Variants in TBC1D1 observed in about 807,000 individuals in gnomAD.
TBC1D1 encodes the protein TBC1 domain family member 1.
Under a neutral mutation model 125.6 loss-of-function variants are expected in TBC1D1, and 89 were observed. The observed-to-expected ratio is 0.71, with a 90% CI of 0.60 to 0.85. TBC1D1 has a LOEUF of 0.85. TBC1D1 is among the 40% of genes least tolerant of loss of function. The probability of loss-of-function intolerance (pLI) is 0.00; values close to 1 mark genes in which losing one functional copy is unlikely to be tolerated. For synonymous variants in TBC1D1, 565 were observed against 564.1 expected, an observed-to-expected ratio of 1.00 and a Z score of -0.02; for missense variants, 1,377 against 1,469.2, an observed-to-expected ratio of 0.94 and a Z score of 1.03.
At chr4:38,026,856 T>A (rs1392533442) in intron 6 of TBC1D1, among the ~76,000 whole-genome samples, 1 of 152,210 alleles carries the variant, frequency 6.6e-6, no homozygotes, top group African/African-American at 2.4e-5. Context: ...CTTTGTAACA[T>A]TAATTAAATG....
At chr4:38,036,642 C>G (rs1423243021) in intron 8 of TBC1D1, among the ~76,000 whole-genome samples, 2 of 152,210 alleles carry the variant, frequency 1.3e-5, no homozygotes, top group Non-Finnish European at 2.9e-5. Flanking sequence ...GGGGTGTACA[C>G]TTAGCAAATC....
At chr4:38,103,216 G>A in intron 15 of TBC1D1, 59 bp downstream of exon 17, 1 of 1,545,370 alleles carries the variant, frequency 6.5e-7, no homozygotes, top group Non-Finnish European at 8.7e-7. Flanking sequence ...TGAAAAATCT[G>A]AAGAGACTGT....
intron 2 of TBC1D1, among the ~76,000 whole-genome samples, chr4:37,965,928 G>A (rs948404570): frequency 2.6e-5 from 4 of 151,986 alleles, no homozygotes; most frequent in Non-Finnish European, 4.4e-5. Context: ...TGTATTTTTA[G>A]TAGAGATGGG....
chr4:37,901,913 G>A (rs1353899986), intron 1 of TBC1D1, 90 bp from the exon 2 acceptor site: 11 of 573,730 alleles, frequency 1.9e-5, no homozygotes, highest in Admixed American at 1.1e-4. Context: ...TGGGTTTCAG[G>A]CTTTTGAGTT....
At chr4:37,897,004 C>G (rs1041111135) in intron 1 of TBC1D1, among the ~76,000 whole-genome samples, 1 of 151,840 alleles carries the variant, frequency 6.6e-6, no homozygotes, top group African/African-American at 2.4e-5. Flanking sequence ...AGGGATAGGG[C>G]GTGTACACAG....
intron 15 of TBC1D1, among the ~76,000 whole-genome samples, chr4:38,108,653 C>CACGG (rs1761736226): frequency 6.6e-6 from 1 of 152,182 alleles, no homozygotes; most frequent in Non-Finnish European, 1.5e-5. Flanking sequence ...ACGTGTGGGT[C>CACGG]ACGGGTCCAG....
intron 2 of TBC1D1, among the ~76,000 whole-genome samples, chr4:37,907,658 T>C (rs1717622143): frequency 6.6e-6 from 1 of 152,162 alleles, no homozygotes; most frequent in South Asian, 2.1e-4. Flanking sequence ...TAAGTAAACA[T>C]GGTAAGTAAA....
chr4:37,901,941 C>T (rs1325298845), intron 1 of TBC1D1, 62 bp from the exon 2 acceptor site: 1 of 698,436 alleles, frequency 1.4e-6, no homozygotes, highest in African/African-American at 1.8e-5. Flanking sequence ...AATAATAGCC[C>T]TTTGAAGGTA....
intron 14 of TBC1D1, among the ~76,000 whole-genome samples, chr4:38,102,127 A>T (rs1393476794): frequency 1.3e-5 from 2 of 151,030 alleles, no homozygotes; most frequent in Admixed American, 6.6e-5. Flanking sequence ...TAGCATTAGG[A>T]GATATACCTA....
At chr4:37,907,808 GTTC>G (rs1476998155) in intron 2 of TBC1D1, among the ~76,000 whole-genome samples, 4 of 152,096 alleles carry the variant, frequency 2.6e-5, no homozygotes, top group African/African-American at 9.7e-5. Context: ...TCATCTCAGG[GTTC>G]TTCTTCTCTC....
intron 2 of TBC1D1, among the ~76,000 whole-genome samples, chr4:37,974,215 G>T (rs1732594315): frequency 6.6e-6 from 1 of 152,128 alleles, no homozygotes; most frequent in South Asian, 2.1e-4. Context: ...CTTTTCAAGG[G>T]TGGCCTCTGT....
intron 2 of TBC1D1, among the ~76,000 whole-genome samples, chr4:37,983,476 A>C (rs1479383020): frequency 6.6e-6 from 1 of 152,106 alleles, no homozygotes; most frequent in Admixed American, 6.6e-5. Flanking sequence ...CGGTCACCAC[A>C]CTGTGCCCAG....
chr4:38,096,077 G>A lies in TBC1D1; in HGVS notation c.2385G>A (p.Ser795=), dbSNP rs767176093. 12 of 1,612,270 alleles carry A rather than the reference G, an allele frequency of 7.4e-6. No homozygotes were observed. Among genetic ancestry groups the A allele is most frequent in the African/African-American group, 2.7e-5 (2 of 74,848 alleles). Residue 795 remains serine (S), a synonymous_variant, in exon 14 of 20, where the codon TCG becomes TCA. Coordinates refer to ENST00000261439, the MANE Select transcript of TBC1D1 (RefSeq NM_015173.4). ...AGTTTGACATGGAAAAAATGCACTC[G>A]GCTGTTGGGCAAGGTAAGCTTCATT...
chr4:37,925,863 G>T (rs1722003330), intron 2 of TBC1D1, among the ~76,000 whole-genome samples: 1 of 151,922 alleles, frequency 6.6e-6, no homozygotes, highest in South Asian at 2.1e-4. Flanking sequence ...AATTAGAAAA[G>T]ATCAAAGTAG....
intron 2 of TBC1D1, among the ~76,000 whole-genome samples, chr4:37,932,174 C>T (rs1723398722): frequency 6.6e-6 from 1 of 152,178 alleles, no homozygotes; most frequent in Admixed American, 6.5e-5. Context: ...AAGGATGTGT[C>T]CACACTGAGC....
chr4:38,049,505 A>T, intron 10 of TBC1D1, 113 bp from the exon 11 acceptor site: 1 of 1,298,920 alleles, frequency 7.7e-7, no homozygotes, highest in Non-Finnish European at 1.1e-6. Context: ...AGATGGCATT[A>T]TAATCAGAAC....
chr4:37,980,380 CTG>C (rs1734111388), intron 2 of TBC1D1, among the ~76,000 whole-genome samples: 1 of 152,184 alleles, frequency 6.6e-6, no homozygotes, highest in Non-Finnish European at 1.5e-5. Context: ...ATAAATAAAA[CTG>C]AACTTCTCAA....
At chr4:38,024,814 C>A (rs13116058) in intron 6 of TBC1D1, among the ~76,000 whole-genome samples, 2 of 152,126 alleles carry the variant, frequency 1.3e-5, no homozygotes, top group Non-Finnish European at 2.9e-5. Flanking sequence ...TGATCAAGAA[C>A]TCTGTAAAAC....
intron 3 of TBC1D1, among the ~76,000 whole-genome samples, chr4:38,015,306 A>G (rs1037866573): frequency 1.3e-5 from 2 of 152,224 alleles, no homozygotes; most frequent in Non-Finnish European, 1.5e-5. Context: ...GATATATTTC[A>G]ACAGAATCTT....
Sources: gnomAD v4.1 joint callset for allele counts (sites outside exome capture counted in the v4.1 genomes callset) on GRCh38, gnomAD v4.1.1 for gene constraint, MANE v1.5 for transcripts, NCBI Gene and HGNC (gene_info 2026-07-23, HGNC 2026-07-21) for gene names.